BTRC: variants seen among roughly 807,000 people sequenced by gnomAD.
The protein encoded by BTRC is F-box/WD repeat-containing protein 1A.
A neutral mutation model predicts 85.5 loss-of-function variants in BTRC; 42 were observed. That is an observed-to-expected ratio of 0.49 (90% CI 0.38 to 0.64). The LOEUF (loss-of-function observed/expected upper bound fraction) is 0.64. Ranked by LOEUF, BTRC falls within the 30% of genes least tolerant of loss-of-function variation. BTRC has a pLI of 0.00. For missense variants in BTRC, 594 were observed against 743.5 expected (o/e 0.80, Z 2.34); for synonymous variants, 255 against 263.3 (o/e 0.97, Z 0.30).
chr10:101,438,422 C>CAAAAAAAA (rs34955428), intron 2 of BTRC, among the ~76,000 whole-genome samples: 1 of 57,762 alleles, frequency 1.7e-5, no homozygotes, highest in African/African-American at 7.7e-5. Context: ...GAGACTGCCT[C>CAAAAAAAA]AAAAAAAAAA....
intron 1 of BTRC, among the ~76,000 whole-genome samples, chr10:101,414,092 C>T (rs1303543061): frequency 6.6e-6 from 1 of 152,184 alleles, no homozygotes; most frequent in Non-Finnish European, 1.5e-5. Context: ...TCTTGCAAAA[C>T]TGAAATTCTA....
intron 1 of BTRC, among the ~76,000 whole-genome samples, chr10:101,391,882 G>GT (rs1943243758): frequency 6.6e-6 from 1 of 152,090 alleles, no homozygotes; most frequent in Non-Finnish European, 1.5e-5. Flanking sequence ...ATTCACATAT[G>GT]GTTAGTTCAA....
At chr10:101,405,013 A>G (rs1367729629) in intron 1 of BTRC, among the ~76,000 whole-genome samples, 2 of 151,600 alleles carry the variant, frequency 1.3e-5, no homozygotes, top group East Asian at 3.9e-4. Flanking sequence ...AAAAAAAAAA[A>G]AAAAAGTCTA....
At chr10:101,366,908 T>TAATATATATATATATATATATATATATA (rs1942431363) in intron 1 of BTRC, among the ~76,000 whole-genome samples, 1 of 18,876 alleles carries the variant, frequency 5.3e-5, no homozygotes, top group Non-Finnish European at 9.8e-5. Flanking sequence ...TTATATATAT[T>TAATATATATATATATATATATATATATA]AATATATATT....
intron 3 of BTRC, among the ~76,000 whole-genome samples, chr10:101,468,198 A>C (rs1299537281): frequency 6.6e-6 from 1 of 152,198 alleles, no homozygotes; most frequent in African/African-American, 2.4e-5. Context: ...TCTTTGATAA[A>C]TTGTGTAATC....
chr10:101,437,432 C>T (rs1008374865), intron 2 of BTRC, among the ~76,000 whole-genome samples: 4 of 152,102 alleles, frequency 2.6e-5, no homozygotes, highest in African/African-American at 9.7e-5. Flanking sequence ...CACACACACA[C>T]GCCCAAATAA....
intron 1 of BTRC, among the ~76,000 whole-genome samples, chr10:101,392,341 G>A (rs1943256046): frequency 1.3e-5 from 2 of 152,126 alleles, no homozygotes; most frequent in Non-Finnish European, 1.5e-5. Context: ...GAATGAATGA[G>A]GGAAGAAACC....
rs572953488 is a variant in BTRC, at chr10:101,354,239, G to C, written c.48+11G>C. ...GCACTCAAGTTTATGGTGAGGAGAC[G>C]GTGGAGGCCGGGGAACGGTGGAGGC... On this transcript the variant is annotated intron_variant, in intron 1 of 14. Coordinates refer to ENST00000370187, the MANE Select transcript of BTRC (RefSeq NM_033637.4). 1.3e-6 allele frequency: 2 copies of C among 1,548,778 alleles called. No individual in the cohort carries two copies. Among genetic ancestry groups the C allele is most frequent in the East Asian group, 4.9e-5 (2 of 40,786 alleles).
At chr10:101,459,299 C>T (rs1341665947) in intron 2 of BTRC, among the ~76,000 whole-genome samples, 1 of 152,146 alleles carries the variant, frequency 6.6e-6, no homozygotes, top group Non-Finnish European at 1.5e-5. Context: ...GCTTTGAGAA[C>T]TGTTGAGGTG....
Position 101,555,132 on chromosome 10 carries a change from C to T in BTRC, c.*2009C>T, listed in dbSNP as rs566754327. 10 of 152,680 alleles carry T rather than the reference C, an allele frequency of 6.5e-5. No homozygotes were observed. Among genetic ancestry groups the T allele is most frequent in the African/African-American group, 2.4e-4 (10 of 41,552 alleles). 9.5% of individuals were successfully genotyped at this position (152,680 alleles called of 1,614,324 possible). ...CATCTATTGTGTTGACTATTAATGG[C>T]TTTTTGATTGGGTAAGGATTTTGCT... On this transcript the variant is annotated 3_prime_UTR_variant, in exon 15 of 15. Transcript: ENST00000370187.
At chr10:101,533,145 TG>T in intron 9 of BTRC, 75 bp downstream of exon 9, 1 of 1,088,882 alleles carries the variant, frequency 9.2e-7, no homozygotes, top group Non-Finnish European at 1.4e-6. Context: ...ATAGTAATTT[TG>T]TATATATCGG....
intron 1 of BTRC, among the ~76,000 whole-genome samples, chr10:101,419,727 G>T (rs575603413): frequency 6.6e-6 from 1 of 152,134 alleles, no homozygotes. Flanking sequence ...GGAAACATCG[G>T]GGGGCATGTT....
chr10:101,520,056 C>T (rs915809481), intron 4 of BTRC, among the ~76,000 whole-genome samples: 2 of 152,176 alleles, frequency 1.3e-5, no homozygotes, highest in African/African-American at 4.8e-5. Context: ...ACCACAATAA[C>T]ATACTTTTTT....
At chr10:101,432,134 C>CTT (rs141993153) in intron 2 of BTRC, among the ~76,000 whole-genome samples, 1 of 143,652 alleles carries the variant, frequency 7.0e-6, no homozygotes, top group African/African-American at 2.6e-5. Flanking sequence ...CTTTTTTTTC[C>CTT]TTTTTTTTTT....
chr10:101,366,960 TTATATA>T (rs1942451070), intron 1 of BTRC, among the ~76,000 whole-genome samples: 2 of 30,348 alleles, frequency 6.6e-5, no homozygotes, highest in African/African-American at 9.2e-5. Context: ...ATATATATAT[TTATATA>T]AATATATATT....
chr10:101,479,304 G>T (rs1945776249), intron 3 of BTRC, 64 bp from the exon 4 acceptor site: 2 of 1,244,698 alleles, frequency 1.6e-6, no homozygotes, highest in South Asian at 1.3e-5. Context: ...AGCAGAATTT[G>T]AAAACAGGAT....
chr10:101,440,566 CA>C (rs1377912069), intron 2 of BTRC, among the ~76,000 whole-genome samples: 1 of 151,764 alleles, frequency 6.6e-6, no homozygotes, highest in East Asian at 1.9e-4. Flanking sequence ...ACCAAAAATA[CA>C]AAAAATTAGC....
chr10:101,385,354 G>A (rs1197897943), intron 1 of BTRC, among the ~76,000 whole-genome samples: 6 of 128,276 alleles, frequency 4.7e-5, no homozygotes, highest in Non-Finnish European at 7.9e-5. Flanking sequence ...GTGACAGAAC[G>A]AGACTCTGTC....
intron 2 of BTRC, among the ~76,000 whole-genome samples, chr10:101,447,050 G>T (rs1001918009): frequency 6.6e-6 from 1 of 152,152 alleles, no homozygotes; most frequent in Non-Finnish European, 1.5e-5. Flanking sequence ...GTGTTCGCGT[G>T]CAGGTTGGAC....
Sources: gnomAD v4.1 joint callset for allele counts (sites outside exome capture counted in the v4.1 genomes callset) on GRCh38, gnomAD v4.1.1 for gene constraint, MANE v1.5 for transcripts, NCBI Gene and HGNC (gene_info 2026-07-23, HGNC 2026-07-21) for gene names.